ROBO2: variants seen among roughly 807,000 people sequenced by gnomAD.
ROBO2 encodes the protein roundabout homolog 2.
In ROBO2, 53 loss-of-function variants were observed where a neutral mutation model predicts 160.8. The observed-to-expected ratio is 0.33, with a 90% confidence interval of 0.26 to 0.41. The LOEUF is 0.41. ROBO2 is among the 10% of genes least tolerant of loss of function. The pLI is 1.00. For synonymous variants in ROBO2, 664 were observed against 611.7 expected (o/e 1.09, Z -1.26); for missense variants, 1,577 against 1,722.4 (o/e 0.92, Z 1.49).
chr3:76,102,537 T>C (rs1000961410), intron 2 of ROBO2, among the ~76,000 whole-genome samples: 1 of 152,148 alleles, frequency 6.6e-6, no homozygotes, highest in African/African-American at 2.4e-5. Flanking sequence ...TCATACTCAC[T>C]TGGAGGCAAA....
chr3:77,349,317 T>A (rs1285525620), intron 2 of ROBO2, among the ~76,000 whole-genome samples: 1 of 152,154 alleles, frequency 6.6e-6, no homozygotes, highest in Non-Finnish European at 1.5e-5. Context: ...CAAAACTAGT[T>A]AAGTATCAAA....
intron 2 of ROBO2, among the ~76,000 whole-genome samples, chr3:77,304,913 G>A (rs1191898473): frequency 1.3e-5 from 2 of 152,146 alleles, no homozygotes; most frequent in African/African-American, 4.8e-5. Context: ...AAATGCATTT[G>A]TAAGTCTGCA....
chr3:75,977,074 G>A (rs2065152412), intron 2 of ROBO2, among the ~76,000 whole-genome samples: 2 of 151,386 alleles, frequency 1.3e-5, no homozygotes, highest in Non-Finnish European at 3.0e-5. Flanking sequence ...TCAAAGAATT[G>A]CAAAATAATA....
chr3:76,560,260 A>G (rs546323800), intron 2 of ROBO2, among the ~76,000 whole-genome samples: 1 of 152,242 alleles, frequency 6.6e-6, no homozygotes, highest in South Asian at 2.1e-4. Flanking sequence ...ATTTCTATAA[A>G]GTAGCCGTCA....
rs1182786373 is a variant in ROBO2 at position 77,252,807 on chromosome 3, C to CAAAAA, written c.388+154488_388+154492dup. 1.5e-3 allele frequency among the ~76,000 whole-genome samples: 48 copies of CAAAAA among 32,050 alleles called. 3 individuals are homozygous for CAAAAA. The highest frequency in any genetic ancestry group is 6.6e-3 in the African/African-American group (46 of 7,010). 21.0% of individuals were successfully genotyped at this position (32,050 alleles called of 152,430 possible). The stretch of plus-strand genomic sequence containing the variant: ...TGGGCAGCAGAGCAAGACTCCATCT[C>CAAAAA]AAAAAAAAAAAAAAAAAAAAAAAAA... On this transcript the variant is annotated intron_variant, in intron 2 of 25. Transcript: ENST00000461745.
At chr3:76,838,419 C>A (rs908880742) in intron 2 of ROBO2, among the ~76,000 whole-genome samples, 2 of 151,992 alleles carry the variant, frequency 1.3e-5, no homozygotes, top group Non-Finnish European at 2.9e-5. Context: ...AGCAGAAATT[C>A]ACTTTTTGAG....
chr3:76,693,665 A>G lies in ROBO2; in HGVS notation c.110-404349A>G, dbSNP rs73841958. ...TGAGAACAAGAGGAGTTGATCGTGT[A>G]TCTCTCAATCTCTCAGCCTGAGGCC... On this transcript the variant is annotated intron_variant, in intron 2 of 26. Coordinates refer to the ROBO2 transcript ENST00000487694. 2.9e-3 allele frequency among the ~76,000 whole-genome samples: 446 copies of G among 152,200 alleles called. 7 individuals are homozygous for G. Among genetic ancestry groups the G allele is most frequent in the African/African-American group, 0.01 (423 of 41,542 alleles).
At chr3:76,950,956 A>C (rs6419720) in intron 2 of ROBO2, among the ~76,000 whole-genome samples, 1 of 151,970 alleles carries the variant, frequency 6.6e-6, no homozygotes. Flanking sequence ...TGGAACTCCC[A>C]GGGTCAAGCA....
At chr3:76,562,439 ATCTCTCTCTCTCTCTC>A (rs10598282) in intron 2 of ROBO2, among the ~76,000 whole-genome samples, 3 of 147,226 alleles carry the variant, frequency 2.0e-5, no homozygotes, top group African/African-American at 7.5e-5. Flanking sequence ...TATAAGATTG[ATCTCTCTCTCTCTCTC>A]TCTCTCTCTC....
chr3:75,993,651 A>G (rs898467458), intron 2 of ROBO2, among the ~76,000 whole-genome samples: 5 of 152,152 alleles, frequency 3.3e-5, no homozygotes, highest in African/African-American at 9.7e-5. Context: ...CTTGCTAACT[A>G]TACCTTTTCG....
At chr3:76,358,246 TC>T (rs958436096) in intron 2 of ROBO2, among the ~76,000 whole-genome samples, 3 of 151,962 alleles carry the variant, frequency 2.0e-5, no homozygotes, top group African/African-American at 4.8e-5. Flanking sequence ...GCTTCATTTT[TC>T]CCCACTCCAA....
intron 2 of ROBO2, among the ~76,000 whole-genome samples, chr3:76,787,094 G>A (rs576233949): frequency 3.1e-4 from 47 of 150,982 alleles, no homozygotes; most frequent in Non-Finnish European, 6.4e-4. Flanking sequence ...TCAATATCAA[G>A]AGAACAGCAA....
chr3:75,943,834 G>T (rs1948161480), intron 2 of ROBO2, among the ~76,000 whole-genome samples: 1 of 151,874 alleles, frequency 6.6e-6, no homozygotes, highest in Non-Finnish European at 1.5e-5. Flanking sequence ...CCGAGTAGCT[G>T]GGATTACAGG....
chr3:77,098,201 G>A, exon 2 of ROBO2: 1 of 1,614,204 alleles, frequency 6.2e-7, no homozygotes, highest in Non-Finnish European at 8.5e-7. Flanking sequence ...CCCACAGGAT[G>A]CTTCTGCCCA....
At chr3:77,428,492 G>A (rs62249806) in intron 2 of ROBO2, among the ~76,000 whole-genome samples, 11,690 of 150,490 alleles carry the variant, frequency 0.078, 535 homozygotes, top group African/African-American at 0.1. Context: ...GAGTAGCTGG[G>A]ACTACAGGCA....
At chr3:77,150,323 C>A (rs534531671) in intron 2 of ROBO2, among the ~76,000 whole-genome samples, 5 of 151,908 alleles carry the variant, frequency 3.3e-5, no homozygotes, top group Non-Finnish European at 7.4e-5. Flanking sequence ...ATAGCTGTCC[C>A]GGGTGAGAGA....
chr3:76,086,733 T>C (rs929385278), intron 2 of ROBO2, among the ~76,000 whole-genome samples: 1 of 152,142 alleles, frequency 6.6e-6, no homozygotes, highest in Non-Finnish European at 1.5e-5. Flanking sequence ...AAACTTGGAA[T>C]TATTAGACAA....
At chr3:76,990,037 C>T (rs1357708752) in intron 2 of ROBO2, among the ~76,000 whole-genome samples, 15 of 151,972 alleles carry the variant, frequency 9.9e-5, no homozygotes, top group Admixed American at 9.8e-4. Flanking sequence ...TGATTATTTT[C>T]CTTTCAAACT....
intron 2 of ROBO2, among the ~76,000 whole-genome samples, chr3:77,414,279 C>T (rs1176969456): frequency 6.6e-6 from 1 of 152,110 alleles, no homozygotes; most frequent in Non-Finnish European, 1.5e-5. Context: ...TTATGGGCCA[C>T]CTTTATAAAA....
Sources: gnomAD v4.1 joint callset for allele counts (sites outside exome capture counted in the v4.1 genomes callset) on GRCh38, gnomAD v4.1.1 for gene constraint, MANE v1.5 for transcripts, NCBI Gene and HGNC (gene_info 2026-07-23, HGNC 2026-07-21) for gene names.